Variants in RYR3 observed in about 807,000 individuals in gnomAD.
RYR3 encodes the protein ryanodine receptor 3.
Under a neutral mutation model 584.3 loss-of-function variants are expected in RYR3, and 207 were observed. The ratio of observed to expected loss-of-function variants is 0.35; its 90% CI spans 0.32 to 0.40. The LOEUF (loss-of-function observed/expected upper bound fraction) is 0.40, where lower values mean the gene tolerates loss of function less well. Ranked by LOEUF, RYR3 falls within the 10% of genes least tolerant of loss-of-function variation. The probability of loss-of-function intolerance (pLI) is 1.00; values close to 1 mark genes in which losing one functional copy is unlikely to be tolerated. For missense variants in RYR3, 5,616 were observed against 6,089.2 expected (o/e 0.92, Z 2.59); for synonymous variants, 2,416 against 2,248.5 (o/e 1.07, Z -2.11).
chr15:33,324,314 G>C (rs940658447), intron 1 of RYR3, among the ~76,000 whole-genome samples: 2 of 152,178 alleles, frequency 1.3e-5, no homozygotes, highest in Non-Finnish European at 2.9e-5. Context: ...AGGTTACCCT[G>C]TATCTTCTGG....
rs781065862 is a variant in RYR3 at position 33,728,863 on chromosome 15, C to T, written c.7040C>T (p.Ser2347Leu). 59 of 1,610,690 alleles carry T rather than the reference C, an allele frequency of 3.7e-5. 1 individual carries two copies. Among genetic ancestry groups the T allele is most frequent in the South Asian group, 1.0e-4 (9 of 89,980 alleles). The change falls in exon 47 of 104, where the codon TCG (serine) becomes TTG (leucine). Residue 2347 changes from serine (S) to leucine (L), a missense_variant. This residue lies in a region of RYR3 where 1,280 missense variants were observed against 1,426.2 expected (regional missense o/e 0.90). Transcript: ENST00000634891. ...LKLPSLNKDGSVSEPDMAANF... is the reference protein window; with the variant it reads ...LKLPSLNKDGLVSEPDMAANF... ...TTTTCTATGTGTCTTTCAGATGGGT[C>T]GGTCAGTGAGCCAGATATGGCGGCC...
chr15:33,862,443 G>C (rs943168415), intron 102 of RYR3, among the ~76,000 whole-genome samples: 1 of 152,032 alleles, frequency 6.6e-6, no homozygotes, highest in African/African-American at 2.4e-5. Flanking sequence ...CTGAGCTCAA[G>C]CTATCCACCC....
At chr15:33,333,584 A>T (rs1354647229) in intron 1 of RYR3, among the ~76,000 whole-genome samples, 1 of 152,230 alleles carries the variant, frequency 6.6e-6, no homozygotes, top group Non-Finnish European at 1.5e-5. Context: ...CCCACAGCCA[A>T]CATCATACTG....
chr15:33,810,906 A>G (rs2076496976), intron 71 of RYR3, 72 bp from the exon 72 acceptor site: 1 of 1,308,776 alleles, frequency 7.6e-7, no homozygotes, highest in Non-Finnish European at 1.1e-6. Flanking sequence ...TTGACTCTCC[A>G]TACATCCCCA....
At chr15:33,647,646 T>C (rs1311980507) in intron 30 of RYR3, among the ~76,000 whole-genome samples, 186 bp downstream of exon 30, 1 of 152,196 alleles carries the variant, frequency 6.6e-6, no homozygotes, top group Non-Finnish European at 1.5e-5. Flanking sequence ...AAGACAGTTA[T>C]TCAGTGCAAA....
At chr15:33,536,214 G>C (rs1000750900) in intron 5 of RYR3, among the ~76,000 whole-genome samples, 1 of 152,192 alleles carries the variant, frequency 6.6e-6, no homozygotes, top group Non-Finnish European at 1.5e-5. Flanking sequence ...CTGCCCAGTA[G>C]TGGAGTTGAA....
At chr15:33,613,483 T>A in intron 19 of RYR3, 108 bp downstream of exon 19, 1 of 1,145,962 alleles carries the variant, frequency 8.7e-7, no homozygotes, top group Non-Finnish European at 1.2e-6. Context: ...TACTGTGAAC[T>A]AAGTTCCCCA....
intron 53 of RYR3, 60 bp from the exon 54 acceptor site, chr15:33,748,054 G>A: frequency 6.5e-7 from 1 of 1,550,314 alleles, no homozygotes. Flanking sequence ...ATGCGGAGAT[G>A]GGCCAGGGAG....
intron 2 of RYR3, among the ~76,000 whole-genome samples, chr15:33,503,317 G>T (rs1295220792): frequency 6.6e-6 from 1 of 152,192 alleles, no homozygotes. Flanking sequence ...AGACGTGGCT[G>T]TAGATCAGCC....
intron 3 of RYR3, among the ~76,000 whole-genome samples, chr15:33,510,109 C>T (rs574592630): frequency 7.2e-5 from 11 of 152,264 alleles, no homozygotes; most frequent in East Asian, 3.9e-4. Context: ...TCGAAACCTG[C>T]GCTTTAAAAG....
chr15:33,338,425 C>T (rs912432362), intron 1 of RYR3, among the ~76,000 whole-genome samples: 6 of 152,152 alleles, frequency 3.9e-5, no homozygotes, highest in East Asian at 1.9e-4. Context: ...AGGAAAAATG[C>T]GGGGAATCTG....
At chr15:33,790,622 A>G (rs1596604705) in intron 67 of RYR3, among the ~76,000 whole-genome samples, 1 of 152,314 alleles carries the variant, frequency 6.6e-6, no homozygotes, top group Non-Finnish European at 1.5e-5. Flanking sequence ...TGCCTATTCA[A>G]TAGAAAAGTG....
In RYR3 at chr15:33,443,214, G is replaced by A. The variant is rs1212079613; in HGVS notation, c.52-30205G>A. Among the ~76,000 whole-genome samples the A allele has an allele frequency of 6.6e-5, 10 of 150,644 alleles. No individual in the cohort carries two copies. In the East Asian group the frequency reaches 1.8e-3, roughly 27 times the overall value. ...GAGGAGGTTGCAGTGAGCTGAGATT[G>A]CACCACTGCACTCCAGCCTGGGTGA... On this transcript the variant is annotated intron_variant, in intron 1 of 103. Transcript: ENST00000634891.
intron 2 of RYR3, among the ~76,000 whole-genome samples, chr15:33,485,845 C>G (rs1277391346): frequency 6.6e-6 from 1 of 151,984 alleles, no homozygotes; most frequent in African/African-American, 2.4e-5. Context: ...AACAAAGGGG[C>G]AAAAGAGTTG....
At position 33,620,574 on chromosome 15, in the gene RYR3, A is replaced by C. The variant is rs143543200; in HGVS notation, c.2358-3233A>C. Reference sequence around the variant, plus strand: ...CTGAGACAGAGGGGAGCCCACTTTCATATACTCAGATAATTAAAATGAGTT... The same window carrying C: ...CTGAGACAGAGGGGAGCCCACTTTCCTATACTCAGATAATTAAAATGAGTT... On this transcript the variant is annotated intron_variant, in intron 19 of 103. Transcript: ENST00000634891. Among the ~76,000 whole-genome samples, 11 of 152,348 alleles carry C rather than the reference A, an allele frequency of 7.2e-5. No homozygotes were observed. In the East Asian group the frequency reaches 1.7e-3, roughly 24 times the overall value.
intron 67 of RYR3, among the ~76,000 whole-genome samples, chr15:33,790,615 C>G (rs1205995139): frequency 6.6e-6 from 1 of 152,054 alleles, no homozygotes; most frequent in East Asian, 1.9e-4. Flanking sequence ...ATTTAGTTGC[C>G]TATTCAATAG....
At chr15:33,758,628 A>G (rs115972795) in intron 60 of RYR3, among the ~76,000 whole-genome samples, 3,298 of 152,294 alleles carry the variant, frequency 0.022, 116 homozygotes, top group African/African-American at 0.074. Flanking sequence ...TCTCTGAAAG[A>G]AAGGAGGCAG....
At chr15:33,669,884 T>TGTGTG (rs2063737221) in intron 37 of RYR3, among the ~76,000 whole-genome samples, 1 of 117,888 alleles carries the variant, frequency 8.5e-6, no homozygotes, top group African/African-American at 3.3e-5. Flanking sequence ...GTGTGTGGTG[T>TGTGTG]GTGTGTGTGT....
In RYR3 at chr15:33,534,801, G is replaced by A. The variant is rs1022530348; in HGVS notation, c.433+1412G>A. 7.2e-5 allele frequency among the ~76,000 whole-genome samples: 11 copies of A among 152,136 alleles called. No individual in the cohort carries two copies. In the East Asian group the frequency reaches 1.2e-3, roughly 16 times the overall value. ...GCAATTAATGAGCAGGAGAACAGCC[G>A]GCCTTGGGATATCGGGTGCTCCCTG... On this transcript the variant is annotated intron_variant, in intron 5 of 103. Coordinates refer to ENST00000634891, the MANE Select transcript of RYR3 (RefSeq NM_001036.6).
Sources: allele counts gnomAD v4.1 joint callset (sites outside exome capture counted in the v4.1 genomes callset), GRCh38; gene constraint gnomAD v4.1.1; regional missense constraint gnomAD v4.1.1; transcripts MANE v1.5; gene names NCBI Gene and HGNC (gene_info 2026-07-23, HGNC 2026-07-21).